The following ZNF366 variants were observed in gnomAD, a reference collection of about 807,000 sequenced individuals.
ZNF366 encodes the protein zinc finger protein 366.
In ZNF366, 20 loss-of-function variants were observed where a neutral mutation model predicts 47.2. That is an observed-to-expected ratio of 0.42 (90% CI 0.30 to 0.62). The LOEUF (loss-of-function observed/expected upper bound fraction) is 0.62. Ranked by LOEUF, ZNF366 falls within the 20% of genes least tolerant of loss-of-function variation. The pLI is 0.16. For missense variants in ZNF366, 987 were observed against 976.3 expected (o/e 1.01, Z -0.15); for synonymous variants, 421 against 395.1 (o/e 1.07, Z -0.78).
intron 1 of ZNF366, among the ~76,000 whole-genome samples, chr5:72,500,873 TG>T (rs1744200308): frequency 6.6e-6 from 1 of 152,350 alleles, no homozygotes; most frequent in East Asian, 1.9e-4. Context: ...GGTGGTGCCA[TG>T]GTGTTGGTCT....
intron 1 of ZNF366, among the ~76,000 whole-genome samples, chr5:72,482,380 C>T (rs1406987469): frequency 6.6e-6 from 1 of 152,048 alleles, no homozygotes; most frequent in Non-Finnish European, 1.5e-5. Flanking sequence ...CCAGGCTCAA[C>T]GTATTTCAGT....
At chr5:72,472,037 T>C (rs570954391) in intron 1 of ZNF366, among the ~76,000 whole-genome samples, 34 of 152,212 alleles carry the variant, frequency 2.2e-4, no homozygotes, top group African/African-American at 5.5e-4. Context: ...ATCAGGAAAA[T>C]AAATACAAGC....
chr5:72,454,406 C>T (rs986443161), intron 3 of ZNF366, among the ~76,000 whole-genome samples: 7 of 152,150 alleles, frequency 4.6e-5, no homozygotes, highest in African/African-American at 1.7e-4. Context: ...TCCTCCAAGC[C>T]CCTGAGGGTA....
intron 1 of ZNF366, among the ~76,000 whole-genome samples, chr5:72,462,707 C>T (rs534754387): frequency 2.8e-4 from 43 of 152,050 alleles, no homozygotes; most frequent in African/African-American, 8.9e-4. Flanking sequence ...TGCGCCACCA[C>T]GCCCTGTTAA....
At chr5:72,473,709 A>G (rs905190736) in intron 1 of ZNF366, among the ~76,000 whole-genome samples, 4 of 152,116 alleles carry the variant, frequency 2.6e-5, no homozygotes, top group Non-Finnish European at 4.4e-5. Flanking sequence ...TTCAAATCCT[A>G]TGACATTAAA....
chr5:72,486,881 G>A (rs1239790052), intron 1 of ZNF366, among the ~76,000 whole-genome samples: 3 of 151,960 alleles, frequency 2.0e-5, no homozygotes, highest in Non-Finnish European at 1.5e-5. Context: ...GGGTTCAAGC[G>A]ATTTTCCTGC....
At chr5:72,491,461 A>G (rs1744007000) in intron 1 of ZNF366, among the ~76,000 whole-genome samples, 1 of 152,204 alleles carries the variant, frequency 6.6e-6, no homozygotes, top group South Asian at 2.1e-4. Context: ...ACACTGAGTG[A>G]TTTGTGAGAA....
intron 2 of ZNF366, among the ~76,000 whole-genome samples, chr5:72,456,815 C>A (rs1037473718): frequency 6.6e-6 from 1 of 151,970 alleles, no homozygotes; most frequent in Non-Finnish European, 1.5e-5. Context: ...ATAAACTAGC[C>A]AGACTATTAG....
chr5:72,474,647 C>A (rs1296049363), intron 1 of ZNF366, among the ~76,000 whole-genome samples: 2 of 151,188 alleles, frequency 1.3e-5, no homozygotes. Flanking sequence ...CAAATGTACA[C>A]CCATGCACAC....
intron 1 of ZNF366, among the ~76,000 whole-genome samples, chr5:72,479,589 A>G (rs10042419): frequency 0.18 from 27,389 of 152,200 alleles, 2,632 homozygotes; most frequent in East Asian, 0.38. Context: ...AACTTAAAGT[A>G]GAAAATTGGT....
chr5:72,444,119 G>A lies in ZNF366; in HGVS notation c.1872C>T (p.Asn624=). The A allele has an allele frequency of 6.2e-7, 1 of 1,614,018 alleles. No homozygotes were observed. Among genetic ancestry groups the A allele is most frequent in the Non-Finnish European group, 8.5e-7 (1 of 1,180,032 alleles). The part of the protein sequence containing the change: ...SHCHEEEEED[N]CYEVEPYSPG... ...GGCTGTAGGGCTCCACCTCGTAGCA[G>A]TTATCCTCCTCTTCCTCCTCGTGGC... Residue 624 remains asparagine, a synonymous_variant, in exon 5 of 5, where the codon AAC becomes AAT. Transcript: ENST00000318442.
Position 72,507,313 on chromosome 5 carries a change from G to C in ZNF366, c.-77C>G. 1.0e-6 allele frequency: 1 copy of C among 985,454 alleles called. No individual in the cohort carries two copies. The highest frequency in any genetic ancestry group is 1.2e-6 in the Non-Finnish European group (1 of 830,022). 61.0% of individuals were successfully genotyped at this position (985,454 alleles called of 1,614,324 possible). On this transcript the variant is annotated 5_prime_UTR_variant, in exon 1 of 5. Coordinates refer to ENST00000318442, the MANE Select transcript of ZNF366 (RefSeq NM_152625.3). Reference sequence around the variant, plus strand: ...CCTTTACCTGATCCCTGCTCTCTCTGTCTCTCTCCCTCTCTCTCTCCCTCT... The same window carrying C: ...CCTTTACCTGATCCCTGCTCTCTCTCTCTCTCTCCCTCTCTCTCTCCCTCT...
At chr5:72,475,771 C>A (rs1280219453) in intron 1 of ZNF366, among the ~76,000 whole-genome samples, 1 of 152,136 alleles carries the variant, frequency 6.6e-6, no homozygotes, top group Non-Finnish European at 1.5e-5. Flanking sequence ...GAGGGTAAGA[C>A]ATGCCCTCTA....
chr5:72,504,422 A>T lies in ZNF366; in HGVS notation c.-15+2829T>A, dbSNP rs138588054. On this transcript the variant is annotated intron_variant, in intron 1 of 4. Transcript: ENST00000318442. ...ATAACTGAACTCTCTTTGCACGTTC[A>T]TCTAAGTTGAAAACTTTTATCCCGA... 2.4e-3 allele frequency among the ~76,000 whole-genome samples: 370 copies of T among 152,354 alleles called. 2 individuals are homozygous for T. The highest frequency in any genetic ancestry group is 5.2e-3 in the African/African-American group (217 of 41,600).
chr5:72,472,452 TC>T (rs965940486), intron 1 of ZNF366: 1 of 577,494 alleles, frequency 1.7e-6, no homozygotes, highest in Non-Finnish European at 2.2e-6. Context: ...AGAAAAAGTT[TC>T]CCCTTTCCCA....
chr5:72,465,751 AAAG>A lies in ZNF366; in HGVS notation c.-14-4244_-14-4242del, dbSNP rs575268165. Among the ~76,000 whole-genome samples the A allele has an allele frequency of 2.5e-3, 376 of 152,330 alleles. 3 individuals carry two copies. The highest frequency in any genetic ancestry group is 8.5e-3 in the African/African-American group (355 of 41,568). ...AAGAGTTGAAACAACGTGCAAAAAG[AAAG>A]AAGAACTGAAAATGTAAAAGCCGCT... On this transcript the variant is annotated intron_variant, in intron 1 of 4. Coordinates refer to ENST00000318442, the MANE Select transcript of ZNF366 (RefSeq NM_152625.3).
At chr5:72,448,270 G>A (rs2112316365) in intron 3 of ZNF366, among the ~76,000 whole-genome samples, 1 of 152,064 alleles carries the variant, frequency 6.6e-6, no homozygotes, top group South Asian at 2.1e-4. Context: ...CAGGAAGTAA[G>A]CATGTTTTAT....
intron 1 of ZNF366, among the ~76,000 whole-genome samples, chr5:72,487,856 G>C (rs1743922037): frequency 6.6e-6 from 1 of 152,124 alleles, no homozygotes; most frequent in Admixed American, 6.5e-5. Flanking sequence ...GACTGCTTAG[G>C]ATTTCTTCTT....
intron 1 of ZNF366, among the ~76,000 whole-genome samples, chr5:72,473,945 A>G (rs926721227): frequency 6.6e-6 from 1 of 152,140 alleles, no homozygotes; most frequent in East Asian, 1.9e-4. Flanking sequence ...CTGCCTTTGA[A>G]AAGAGGTTTG....
Sources: allele counts gnomAD v4.1 joint callset (sites outside exome capture counted in the v4.1 genomes callset), GRCh38; gene constraint gnomAD v4.1.1; transcripts MANE v1.5; gene names NCBI Gene and HGNC (gene_info 2026-07-23, HGNC 2026-07-21).